Variants in ADAM10 observed in about 807,000 individuals in gnomAD.
ADAM10 encodes disintegrin and metalloproteinase domain-containing protein 10.
Under a neutral mutation model 90.1 loss-of-function variants are expected in ADAM10, and 17 were observed. That is an observed-to-expected ratio of 0.19 (90% CI 0.13 to 0.28). The LOEUF (loss-of-function observed/expected upper bound fraction) is 0.28. ADAM10 is among the 10% of genes least tolerant of loss of function. The pLI is 1.00. For synonymous variants in ADAM10, 310 were observed against 298.6 expected, an observed-to-expected ratio of 1.04 and a Z score of -0.40; for missense variants, 610 against 914.3, an observed-to-expected ratio of 0.67 and a Z score of 4.29.
chr15:58,687,335 T>A (rs1411634899), intron 2 of ADAM10, among the ~76,000 whole-genome samples: 1 of 152,228 alleles, frequency 6.6e-6, no homozygotes, highest in South Asian at 2.1e-4. Flanking sequence ...TAGCTGTGGC[T>A]GTACTTAAAG....
chr15:58,740,807 T>A (rs932717932), intron 1 of ADAM10, among the ~76,000 whole-genome samples: 1 of 152,224 alleles, frequency 6.6e-6, no homozygotes. Flanking sequence ...TAAAAAGTGA[T>A]AAAATTGTGT....
At chr15:58,658,357 T>C (rs2140718599) in intron 5 of ADAM10, among the ~76,000 whole-genome samples, 1 of 152,344 alleles carries the variant, frequency 6.6e-6, no homozygotes, top group African/African-American at 2.4e-5. Flanking sequence ...TTTACCTACA[T>C]GTTTACCCTT....
intron 9 of ADAM10, 74 bp from the exon 10 acceptor site, chr15:58,627,957 G>T: frequency 7.1e-7 from 1 of 1,413,300 alleles, no homozygotes; most frequent in Non-Finnish European, 9.9e-7. Context: ...TAAACGTAAT[G>T]TTCTCATCAG....
chr15:58,716,971 C>T (rs1898681365), intron 2 of ADAM10, among the ~76,000 whole-genome samples: 1 of 152,042 alleles, frequency 6.6e-6, no homozygotes, highest in African/African-American at 2.4e-5. Context: ...TTCTCTGAGC[C>T]TTAGTTTCCT....
intron 5 of ADAM10, among the ~76,000 whole-genome samples, chr15:58,649,567 G>A (rs114568457): frequency 1.2e-4 from 19 of 152,248 alleles, no homozygotes; most frequent in African/African-American, 4.6e-4. Flanking sequence ...CTATTCTTCT[G>A]AGTAGAGCAT....
intron 2 of ADAM10, among the ~76,000 whole-genome samples, chr15:58,701,729 TCAAC>T (rs1468056146): frequency 2.6e-5 from 4 of 152,174 alleles, no homozygotes; most frequent in Non-Finnish European, 5.9e-5. Context: ...AGATATGTAA[TCAAC>T]TAAGTGTGAA....
chr15:58,635,961 C>T (rs7166325), intron 8 of ADAM10, among the ~76,000 whole-genome samples: 34,312 of 151,990 alleles, frequency 0.23, 4,600 homozygotes, highest in East Asian at 0.39. Context: ...TGCTTTTGGT[C>T]TTTATGATTA....
chr15:58,744,203 T>A (rs56279139), intron 1 of ADAM10, among the ~76,000 whole-genome samples: 3 of 145,812 alleles, frequency 2.1e-5, no homozygotes, highest in African/African-American at 7.8e-5. Context: ...GCAACCTCAA[T>A]GCTAAACTCT....
chr15:58,698,041 A>T (rs1898024606), intron 2 of ADAM10, among the ~76,000 whole-genome samples: 2 of 152,178 alleles, frequency 1.3e-5, no homozygotes, highest in East Asian at 1.9e-4. Flanking sequence ...TCAGAAAGCG[A>T]ATTCAAAAAA....
At chr15:58,613,337 A>G (rs1895507336) in intron 11 of ADAM10, among the ~76,000 whole-genome samples, 1 of 152,182 alleles carries the variant, frequency 6.6e-6, no homozygotes, top group African/African-American at 2.4e-5. Context: ...GAAAATTTAG[A>G]TGAGACGACT....
intron 11 of ADAM10, among the ~76,000 whole-genome samples, chr15:58,619,829 G>A (rs910831416): frequency 7.9e-5 from 12 of 152,088 alleles, no homozygotes; most frequent in East Asian, 3.9e-4. Flanking sequence ...GCGTGAACCC[G>A]GGAGGCGGAG....
rs1566960154 is a variant in ADAM10, at chr15:58,593,149, A to ATATTTTTTTTTTT, written c.*4397_*4398insAAAAAAAAAAATA. 2 of 68,466 alleles carry ATATTTTTTTTTTT rather than the reference A, an allele frequency of 2.9e-5. No individual in the cohort carries two copies. The highest frequency in any genetic ancestry group is 2.1e-4 in the Admixed American group (1 of 4,726). 4.2% of individuals were successfully genotyped at this position (68,466 alleles called of 1,614,324 possible). On this transcript the variant is annotated 3_prime_UTR_variant, in exon 16 of 16. Transcript: ENST00000260408. ...AAAGTAACAAAGGCCAGGTACTCAA[A>ATATTTTTTTTTTT]TTTTTTTTTTTTTTTTTTTTTTTTT...
intron 2 of ADAM10, among the ~76,000 whole-genome samples, chr15:58,688,957 AAAG>A (rs1248278410): frequency 1.3e-4 from 20 of 150,770 alleles, no homozygotes; most frequent in African/African-American, 4.8e-4. Flanking sequence ...GTAAATAAAT[AAAG>A]AAGCGAGAGG....
chr15:58,693,761 T>TTAA (rs1418192504), intron 2 of ADAM10, among the ~76,000 whole-genome samples: 2 of 135,936 alleles, frequency 1.5e-5, no homozygotes, highest in Non-Finnish European at 3.2e-5. Context: ...GAAATAGCTT[T>TTAA]AAAAAAAAAA....
At chr15:58,635,056 C>T (rs1228486959) in intron 8 of ADAM10, among the ~76,000 whole-genome samples, 1 of 150,988 alleles carries the variant, frequency 6.6e-6, no homozygotes, top group Non-Finnish European at 1.5e-5. Flanking sequence ...AAATGTGTTT[C>T]AAAGAAACAC....
intron 2 of ADAM10, among the ~76,000 whole-genome samples, chr15:58,714,403 A>T (rs1427633744): frequency 6.6e-6 from 1 of 152,028 alleles, no homozygotes; most frequent in African/African-American, 2.4e-5. Flanking sequence ...TCTTCTTGGT[A>T]TGTCTAAGTT....
At chr15:58,717,324 A>C (rs140240054) in intron 2 of ADAM10, among the ~76,000 whole-genome samples, 1 of 152,240 alleles carries the variant, frequency 6.6e-6, no homozygotes, top group Non-Finnish European at 1.5e-5. Context: ...CTTTAAAGAC[A>C]TATCTTTTAC....
At chr15:58,657,623 C>T (rs533836640) in intron 5 of ADAM10, among the ~76,000 whole-genome samples, 218 of 152,252 alleles carry the variant, frequency 1.4e-3, no homozygotes, top group African/African-American at 4.9e-3. Context: ...CTTTGAGTTT[C>T]CTCAAAACAG....
chr15:58,645,279 C>A (rs1896517972), intron 6 of ADAM10, among the ~76,000 whole-genome samples: 1 of 152,150 alleles, frequency 6.6e-6, no homozygotes, highest in Non-Finnish European at 1.5e-5. Context: ...CTTGGTAAAT[C>A]CTACAAAATC....
Sources: allele counts gnomAD v4.1 joint callset (sites outside exome capture counted in the v4.1 genomes callset), GRCh38; gene constraint gnomAD v4.1.1; transcripts MANE v1.5; gene names NCBI Gene and HGNC (gene_info 2026-07-23, HGNC 2026-07-21).